Variants in TYW1 observed in about 807,000 individuals in gnomAD.
The protein encoded by TYW1 is S-adenosyl-L-methionine-dependent tRNA 4-demethylwyosine synthase TYW1.
In TYW1, 46 loss-of-function variants were observed where a neutral mutation model predicts 96.2. The ratio of observed to expected loss-of-function variants is 0.48; its 90% CI spans 0.38 to 0.61. TYW1 has a LOEUF of 0.61. TYW1 is among the 20% of genes least tolerant of loss of function. The pLI is 0.00. For missense variants in TYW1, 684 were observed against 909.6 expected, an observed-to-expected ratio of 0.75 and a Z score of 3.19; for synonymous variants, 274 against 323.0, an observed-to-expected ratio of 0.85 and a Z score of 1.63.
At position 67,081,017 on chromosome 7, in the gene TYW1, T is replaced by TC. The variant is rs1360600539; in HGVS notation, c.1275-2412dup. On this transcript the variant is annotated intron_variant, in intron 10 of 15. Coordinates refer to ENST00000359626, the MANE Select transcript of TYW1 (RefSeq NM_018264.4). Reference sequence around the variant, plus strand: ...GTAACATTTGAATCCTTTTTTTTTTTCTCATTTGTATATCTGCCCTACCAG... The same window carrying TC: ...GTAACATTTGAATCCTTTTTTTTTTTCCTCATTTGTATATCTGCCCTACCAG... Among the ~76,000 whole-genome samples, 45 of 150,444 alleles carry TC rather than the reference T, an allele frequency of 3.0e-4. 1 individual carries two copies. Among genetic ancestry groups the TC allele is most frequent in the Admixed American group, 1.2e-3 (18 of 15,082 alleles).
intron 13 of TYW1, among the ~76,000 whole-genome samples, chr7:67,119,060 CT>C (rs1276176155): frequency 6.6e-6 from 1 of 152,004 alleles, no homozygotes; most frequent in Non-Finnish European, 1.5e-5. Flanking sequence ...ATATGGCATA[CT>C]TACCTTCCTT....
In TYW1 at chr7:67,072,599, G is replaced by A. The variant is rs184162875; in HGVS notation, c.1274+5196G>A. Among the ~76,000 whole-genome samples the A allele has an allele frequency of 5.7e-4, 86 of 152,084 alleles. 1 individual carries two copies. Among genetic ancestry groups the A allele is most frequent in the African/African-American group, 2.1e-3 (86 of 41,510 alleles). On this transcript the variant is annotated intron_variant, in intron 10 of 15. Coordinates refer to ENST00000359626, the MANE Select transcript of TYW1 (RefSeq NM_018264.4). ...TATTATAGATTTTTTTTTAACATAA[G>A]CAGAGAGAGAACAATATATTAAACC...
intron 15 of TYW1, among the ~76,000 whole-genome samples, chr7:67,214,080 G>C (rs1176982292): frequency 1.3e-5 from 2 of 152,090 alleles, no homozygotes; most frequent in African/African-American, 4.8e-5. Flanking sequence ...GGATTGCCCT[G>C]AATCTACAAA....
chr7:67,014,731 TATTA>T (rs1584464134), intron 5 of TYW1, among the ~76,000 whole-genome samples, 170 bp downstream of exon 5: 2 of 152,248 alleles, frequency 1.3e-5, no homozygotes, highest in East Asian at 3.8e-4. Context: ...TCTATTATTT[TATTA>T]ATTGATTGAT....
intron 15 of TYW1, among the ~76,000 whole-genome samples, chr7:67,230,368 T>TTGTA (rs1801711077): frequency 1.7e-5 from 2 of 114,314 alleles, no homozygotes; most frequent in Non-Finnish European, 3.6e-5. Context: ...TTTTCCTTTC[T>TTGTA]TGGATACAGT....
At chr7:67,111,219 T>TC (rs1797396797) in intron 12 of TYW1, among the ~76,000 whole-genome samples, 1 of 151,918 alleles carries the variant, frequency 6.6e-6, no homozygotes, top group African/African-American at 2.4e-5. Flanking sequence ...TTTTTTTTTT[T>TC]CCGAGACGGA....
intron 3 of TYW1, among the ~76,000 whole-genome samples, chr7:67,008,475 A>C (rs566922482): frequency 1.1e-3 from 169 of 151,960 alleles, no homozygotes; most frequent in Middle Eastern, 6.8e-3. Flanking sequence ...CTGAGGCCTC[A>C]CTCCAGTAAG....
At chr7:67,074,831 GT>G (rs11447281) in intron 10 of TYW1, among the ~76,000 whole-genome samples, 31 of 147,292 alleles carry the variant, frequency 2.1e-4, no homozygotes, top group South Asian at 4.3e-4. Flanking sequence ...ATGACAGTGG[GT>G]TTTTTTTTTT....
At chr7:67,198,897 T>A (rs568713516) in intron 15 of TYW1, among the ~76,000 whole-genome samples, 1 of 152,188 alleles carries the variant, frequency 6.6e-6, no homozygotes, top group Non-Finnish European at 1.5e-5. Context: ...CCCTTTCTTT[T>A]AATAGAAATG....
At chr7:67,070,673 A>G (rs1257700207) in intron 10 of TYW1, among the ~76,000 whole-genome samples, 4 of 151,994 alleles carry the variant, frequency 2.6e-5, no homozygotes, top group Non-Finnish European at 5.9e-5. Flanking sequence ...CTCTTTGTCC[A>G]TGGTTTCCAT....
chr7:67,106,644 G>C (rs186810267), intron 12 of TYW1, among the ~76,000 whole-genome samples: 8 of 152,194 alleles, frequency 5.3e-5, no homozygotes, highest in African/African-American at 1.7e-4. Context: ...GAGTGTGCCA[G>C]AGTTCAGAGT....
chr7:67,128,324 C>A (rs1191680195), intron 13 of TYW1, among the ~76,000 whole-genome samples: 1 of 152,156 alleles, frequency 6.6e-6, no homozygotes, highest in African/African-American at 2.4e-5. Context: ...TATCCAGTCT[C>A]AAGGCCATTC....
chr7:67,047,119 A>G (rs1215519324), intron 7 of TYW1, among the ~76,000 whole-genome samples: 2 of 152,178 alleles, frequency 1.3e-5, no homozygotes, highest in African/African-American at 4.8e-5. Context: ...GCCATGTCTT[A>G]TCAATTTTTT....
intron 7 of TYW1, among the ~76,000 whole-genome samples, chr7:67,030,217 C>G (rs1584482100): frequency 1.3e-5 from 2 of 152,154 alleles, no homozygotes; most frequent in East Asian, 3.8e-4. Context: ...TCAGGCTGGC[C>G]CTAAATTCTA....
At chr7:67,093,824 T>C (rs1796799121) in intron 11 of TYW1, among the ~76,000 whole-genome samples, 1 of 152,150 alleles carries the variant, frequency 6.6e-6, no homozygotes, top group Non-Finnish European at 1.5e-5. Flanking sequence ...TGCTTTGATC[T>C]CTTGGGGATT....
chr7:67,107,577 A>G (rs1356002409), intron 12 of TYW1, among the ~76,000 whole-genome samples: 1 of 152,190 alleles, frequency 6.6e-6, no homozygotes, highest in African/African-American at 2.4e-5. Flanking sequence ...CATTTGTAAA[A>G]TGATAATAAT....
chr7:67,069,686 C>T (rs555911211), intron 10 of TYW1, among the ~76,000 whole-genome samples: 2 of 152,244 alleles, frequency 1.3e-5, no homozygotes, highest in South Asian at 2.1e-4. Context: ...GTGCAATGAG[C>T]CTTGATTGTG....
At chr7:67,038,571 A>G (rs1279098398) in intron 7 of TYW1, among the ~76,000 whole-genome samples, 1 of 151,930 alleles carries the variant, frequency 6.6e-6, no homozygotes, top group Non-Finnish European at 1.5e-5. Context: ...GCACCACTGC[A>G]CTCCAGCCTG....
intron 3 of TYW1, among the ~76,000 whole-genome samples, chr7:67,003,442 C>T (rs1438387287): frequency 6.6e-6 from 1 of 151,326 alleles, no homozygotes; most frequent in Non-Finnish European, 1.5e-5. Flanking sequence ...TAGAGAGGCT[C>T]TCCAAAAGAA....
Sources: gnomAD v4.1 joint callset for allele counts (sites outside exome capture counted in the v4.1 genomes callset) on GRCh38, gnomAD v4.1.1 for gene constraint, MANE v1.5 for transcripts, NCBI Gene and HGNC (gene_info 2026-07-23, HGNC 2026-07-21) for gene names.